UBE2W: variants seen among roughly 807,000 people sequenced by gnomAD.
UBE2W encodes ubiquitin-conjugating enzyme E2 W.
In UBE2W, 18 loss-of-function variants were observed where a neutral mutation model predicts 27.2. The observed-to-expected ratio is 0.66, with a 90% CI of 0.46 to 0.98. The LOEUF (loss-of-function observed/expected upper bound fraction) is 0.98, where lower values mean the gene tolerates loss of function less well. Among genes scored for constraint, UBE2W ranks in the 50% least tolerant of loss-of-function variants. The pLI is 0.00. For missense variants in UBE2W, 90 were observed against 180.2 expected (o/e 0.50, Z 2.87); for synonymous variants, 53 against 57.2 (o/e 0.93, Z 0.33).
Position 73,791,270 on chromosome 8 carries a change from A to G in UBE2W, c.*2832T>C. 2.1e-6 allele frequency: 2 copies of G among 965,562 alleles called. No individual in the cohort carries two copies. Among genetic ancestry groups the G allele is most frequent in the Non-Finnish European group, 2.5e-6 (2 of 811,792 alleles). The allele number at this position is 965,562 out of a possible 1,614,324, so 59.8% of individuals were successfully genotyped here. ...CATTAATCCCTACTTGACCAAAGAA[A>G]AAAAAAAAAAAGAAGGGCATCATGT... On this transcript the variant is annotated 3_prime_UTR_variant, in exon 6 of 6. Transcript: ENST00000602593.
chr8:73,818,110 T>C (rs186317956), intron 3 of UBE2W, among the ~76,000 whole-genome samples: 2 of 152,334 alleles, frequency 1.3e-5, no homozygotes, highest in Admixed American at 1.3e-4. Flanking sequence ...CCTTAGAATA[T>C]TCTAAATTGG....
intron 5 of UBE2W, among the ~76,000 whole-genome samples, chr8:73,798,841 T>C (rs1808524778): frequency 6.6e-6 from 1 of 152,208 alleles, no homozygotes; most frequent in Non-Finnish European, 1.5e-5. Flanking sequence ...CTAAGGAAGA[T>C]TCTAGCACTG....
Position 73,830,391 on chromosome 8 carries a change from A to C in UBE2W, c.97T>G (p.Ser33Ala). ...AAATTAAATACTTACTGTGTAATTG[A>C]ATTTTGAACACTCTTCTCATTTAAG... The part of the protein sequence containing the change: ...MTLNEKSVQN[S>A]ITQWIVDMEG... The change falls in exon 2 of 6, where the codon TCA becomes GCA. Residue 33 changes from serine to alanine, a missense_variant. Physicochemically the swap from Ser to Ala is moderately conservative, Grantham distance 99. Transcript: ENST00000602593. The C allele has an allele frequency of 2.5e-6, 4 of 1,612,282 alleles. No individual in the cohort carries two copies. The highest frequency in any genetic ancestry group is 3.4e-6 in the Non-Finnish European group (4 of 1,178,680).
intron 1 of UBE2W, among the ~76,000 whole-genome samples, chr8:73,844,650 C>A (rs1255297414): frequency 6.6e-6 from 1 of 151,054 alleles, no homozygotes. Flanking sequence ...GCCGCCCAGT[C>A]TGGGAAGTCA....
intron 4 of UBE2W, among the ~76,000 whole-genome samples, chr8:73,809,902 A>AT (rs113678920): frequency 3.3e-5 from 5 of 151,832 alleles, no homozygotes; most frequent in East Asian, 1.9e-4. Context: ...TAATTAAGTG[A>AT]TTTTTTTTCT....
chr8:73,798,047 G>A (rs1429941027), intron 5 of UBE2W, among the ~76,000 whole-genome samples: 1 of 152,158 alleles, frequency 6.6e-6, no homozygotes, highest in Non-Finnish European at 1.5e-5. Flanking sequence ...CAGCACTTTG[G>A]GAGGCTGAGG....
At chr8:73,864,750 T>TGGGGGGG (rs71269956) in intron 1 of UBE2W, among the ~76,000 whole-genome samples, 5 of 88,548 alleles carry the variant, frequency 5.6e-5, no homozygotes, top group African/African-American at 1.8e-4. Context: ...CAAATTTTTT[T>TGGGGGGG]GGGGGGGGGG....
At chr8:73,849,863 G>C (rs1810999416) in intron 1 of UBE2W, among the ~76,000 whole-genome samples, 1 of 151,964 alleles carries the variant, frequency 6.6e-6, no homozygotes, top group African/African-American at 2.4e-5. Context: ...AAGAAACAAA[G>C]CTGGCATTGC....
intron 1 of UBE2W, among the ~76,000 whole-genome samples, chr8:73,847,947 A>G (rs1270665617): frequency 6.6e-6 from 1 of 152,136 alleles, no homozygotes; most frequent in African/African-American, 2.4e-5. Flanking sequence ...CATGCCTGTA[A>G]TCCCAGCACT....
intron 1 of UBE2W, among the ~76,000 whole-genome samples, chr8:73,866,288 A>AT (rs1336267213): frequency 2.6e-3 from 206 of 80,094 alleles, no homozygotes; most frequent in Middle Eastern, 7.1e-3. Flanking sequence ...AAAAAAAAAA[A>AT]AAATATATAT....
chr8:73,825,446 G>A (rs1171651001), intron 2 of UBE2W, among the ~76,000 whole-genome samples, 197 bp from the exon 3 acceptor site: 1 of 152,096 alleles, frequency 6.6e-6, no homozygotes, highest in East Asian at 1.9e-4. Flanking sequence ...ACTCAGCGGT[G>A]AAATAACCAG....
Position 73,791,263 on chromosome 8 carries a change from C to CA in UBE2W, c.*2838dup, listed in dbSNP as rs1491124189. ...CCTATGGCATTAATCCCTACTTGAC[C>CA]AAAGAAAAAAAAAAAAAAGAAGGGC... On this transcript the variant is annotated 3_prime_UTR_variant, in exon 6 of 6. Transcript: ENST00000602593. 5.7e-5 allele frequency: 55 copies of CA among 961,388 alleles called. 2 individuals carry two copies. In the African/African-American group the frequency reaches 1.1e-3, roughly 20 times the overall value. 59.6% of individuals were successfully genotyped at this position (961,388 alleles called of 1,614,324 possible). A position where few individuals can be genotyped will look rare whatever the true frequency, so the allele number is the denominator to read the frequency against.
chr8:73,826,537 A>T (rs1809841969), intron 2 of UBE2W, among the ~76,000 whole-genome samples: 3 of 152,214 alleles, frequency 2.0e-5, no homozygotes, highest in Non-Finnish European at 4.4e-5. Context: ...TAAAATAATA[A>T]ATGTACCTAT....
intron 3 of UBE2W, among the ~76,000 whole-genome samples, chr8:73,820,355 T>TA (rs1266971252): frequency 1.3e-5 from 2 of 152,214 alleles, no homozygotes; most frequent in Non-Finnish European, 2.9e-5. Flanking sequence ...TTTAACGTAT[T>TA]ACTGGCCTCA....
chr8:73,836,795 AC>A (rs1345434179), intron 1 of UBE2W, among the ~76,000 whole-genome samples: 5 of 152,236 alleles, frequency 3.3e-5, no homozygotes, highest in Admixed American at 1.3e-4. Flanking sequence ...GTATGACACC[AC>A]TGGCTTATAA....
At position 73,787,751 on chromosome 8, in the gene UBE2W, A is replaced by C; in HGVS notation, c.*6351T>G. On this transcript the variant is annotated 3_prime_UTR_variant, in exon 6 of 6. Coordinates refer to ENST00000602593, the MANE Select transcript of UBE2W (RefSeq NM_018299.6). ...ATTAGTTGATCTGTTTGTATACTCC[A>C]GAAAGCATCCAGAAGTTCTTAGAGT... 1.0e-6 allele frequency: 1 copy of C among 985,428 alleles called. No individual in the cohort carries two copies. Among genetic ancestry groups the C allele is most frequent in the Non-Finnish European group, 1.2e-6 (1 of 829,918 alleles). 61.0% of individuals were successfully genotyped at this position (985,428 alleles called of 1,614,324 possible). A position where few individuals can be genotyped will look rare whatever the true frequency, so the allele number is the denominator to read the frequency against.
chr8:73,785,039 T>C (rs1427631504), downstream of UBE2W, among the ~76,000 whole-genome samples: 2 of 152,226 alleles, frequency 1.3e-5, no homozygotes, highest in Non-Finnish European at 2.9e-5. Flanking sequence ...CCCACAGTCC[T>C]TTGTACTGAT....
rs550178217 is a variant in UBE2W, at chr8:73,867,459, T to C, written c.15+11349A>G. ...CTGAAGCAGGAGAATCGCTTGAACCTGGGAGGCAGAAGTTGCAGTGAGCCG... is the reference window on the plus strand; with the variant it reads ...CTGAAGCAGGAGAATCGCTTGAACCCGGGAGGCAGAAGTTGCAGTGAGCCG... On this transcript the variant is annotated intron_variant, in intron 1 of 5. Coordinates refer to ENST00000602593, the MANE Select transcript of UBE2W (RefSeq NM_018299.6). Among the ~76,000 whole-genome samples the C allele has an allele frequency of 2.6e-3, 397 of 151,676 alleles. 1 individual carries two copies. Among genetic ancestry groups the C allele is most frequent in the African/African-American group, 9.3e-3 (386 of 41,368 alleles).
intron 1 of UBE2W, chr8:73,870,321 C>T (rs1289777000): frequency 6.4e-7 from 1 of 1,570,920 alleles, no homozygotes; most frequent in East Asian, 2.3e-5. Flanking sequence ...CAAAGAAAGA[C>T]CTCATGTAAC....
Sources: allele counts gnomAD v4.1 joint callset (sites outside exome capture counted in the v4.1 genomes callset), GRCh38; gene constraint gnomAD v4.1.1; transcripts MANE v1.5; gene names NCBI Gene and HGNC (gene_info 2026-07-23, HGNC 2026-07-21).